The following SLC9A8 variants were observed in gnomAD, a reference collection of about 807,000 sequenced individuals.
The protein encoded by SLC9A8 is solute carrier family 9 member A8.
SLC9A8 carries 48 observed loss-of-function variants against 66.6 expected under a neutral mutation model. That is an observed-to-expected ratio of 0.72 (90% confidence interval 0.57 to 0.92). The LOEUF is 0.92. Ranked by LOEUF, SLC9A8 falls within the 40% of genes least tolerant of loss-of-function variation. SLC9A8 has a pLI of 0.00. For synonymous variants in SLC9A8, 274 were observed against 282.6 expected (o/e 0.97, Z 0.31); for missense variants, 599 against 747.3 (o/e 0.80, Z 2.31).
chr20:49,876,470 A>G (rs2089432393), intron 11 of SLC9A8, among the ~76,000 whole-genome samples: 1 of 152,204 alleles, frequency 6.6e-6, no homozygotes, highest in Non-Finnish European at 1.5e-5. Flanking sequence ...TCTTTGGCCC[A>G]ACAGTCCAAC....
chr20:49,866,378 A>G (rs2088967257), intron 10 of SLC9A8, among the ~76,000 whole-genome samples: 1 of 152,240 alleles, frequency 6.6e-6, no homozygotes, highest in Non-Finnish European at 1.5e-5. Flanking sequence ...TTGGGTAAAT[A>G]CCTAGGATTA....
At chr20:49,835,387 A>G (rs1206981301) in intron 3 of SLC9A8, among the ~76,000 whole-genome samples, 1 of 152,136 alleles carries the variant, frequency 6.6e-6, no homozygotes, top group African/African-American at 2.4e-5. Context: ...TCACCATCTT[A>G]AAGTGCACAA....
chr20:49,881,883 G>T (rs899306015), intron 13 of SLC9A8, among the ~76,000 whole-genome samples: 1 of 152,144 alleles, frequency 6.6e-6, no homozygotes, highest in Non-Finnish European at 1.5e-5. Flanking sequence ...GTGTGTCAGA[G>T]GTTTTTGAAG....
Position 49,887,898 on chromosome 20 carries a change from C to T in SLC9A8, c.1708C>T (p.Pro570Ser). The part of the protein sequence containing the change: ...NKWYEEVRQG[P>S]SGSEDDEQEL... ...GTGGTACGAGGAGGTACGCCAGGGC[C>T]CCTCCGGCTCCGAGGACGACGAGCA... Residue 570 changes from proline to serine, a missense_variant, in exon 16 of 16, where the codon CCC (proline) becomes TCC (serine). Around this residue, in one of 2 missense-constraint regions of SLC9A8, gnomAD observed 467 missense variants for 626.5 expected, o/e 0.75. Transcript: ENST00000361573. 1 of 1,613,840 alleles carries T rather than the reference C, an allele frequency of 6.2e-7. No individual in the cohort carries two copies. The highest frequency in any genetic ancestry group is 2.2e-5 in the East Asian group (1 of 44,878).
chr20:49,875,491 C>G (rs967792490), intron 11 of SLC9A8, among the ~76,000 whole-genome samples: 1 of 152,120 alleles, frequency 6.6e-6, no homozygotes, highest in Non-Finnish European at 1.5e-5. Context: ...GGACATCACT[C>G]GGGGACAGTT....
chr20:49,812,977 G>C, intron 1 of SLC9A8, 29 bp downstream of exon 1: 1 of 1,389,072 alleles, frequency 7.2e-7, no homozygotes, highest in Non-Finnish European at 9.3e-7. Context: ...GGGCGGCGGA[G>C]GCGGCGGGGC....
At chr20:49,819,216 G>A (rs1034716482) in intron 2 of SLC9A8, among the ~76,000 whole-genome samples, 2 of 152,136 alleles carry the variant, frequency 1.3e-5, no homozygotes, top group East Asian at 3.8e-4. Flanking sequence ...GAAACTTAAT[G>A]GAGTTATTAT....
In SLC9A8 at chr20:49,882,464, G is replaced by A. The variant is rs548444564; in HGVS notation, c.1271-1382G>A. ...CGTCTCCTTGGGCTCGTCCCCCTTC[G>A]CTGACCCCTCAAATAGTGGCTTCTT... On this transcript the variant is annotated intron_variant, in intron 13 of 15. Transcript: ENST00000361573. Among the ~76,000 whole-genome samples, 66 of 152,210 alleles carry A rather than the reference G, an allele frequency of 4.3e-4. 2 individuals are homozygous for A. Among genetic ancestry groups the A allele is most frequent in the African/African-American group, 1.5e-3 (63 of 41,508 alleles).
intron 3 of SLC9A8, among the ~76,000 whole-genome samples, chr20:49,835,475 A>G (rs1235493927): frequency 2.6e-5 from 4 of 152,082 alleles, no homozygotes; most frequent in African/African-American, 4.8e-5. Context: ...CATTACCCCA[A>G]AAAGAAACTC....
Position 49,889,629 on chromosome 20 carries a change from G to A in SLC9A8, c.*1693G>A, listed in dbSNP as rs1373343944. On this transcript the variant is annotated 3_prime_UTR_variant, in exon 16 of 16. Transcript: ENST00000361573. ...GAAAAGTAAATGTGTACTTGATAGA[G>A]CTAAAATATGATCTTTTTTAATTTC... is the stretch of plus-strand genomic sequence containing the variant. 1 of 152,220 alleles carries A rather than the reference G, an allele frequency of 6.6e-6. No homozygotes were observed. The highest frequency in any genetic ancestry group is 1.9e-4 in the East Asian group (1 of 5,202). 9.4% of individuals were successfully genotyped at this position (152,220 alleles called of 1,614,324 possible).
chr20:49,813,589 A>C (rs1441571205), intron 1 of SLC9A8, among the ~76,000 whole-genome samples: 1 of 152,308 alleles, frequency 6.6e-6, no homozygotes, highest in South Asian at 2.1e-4. Context: ...TTTATATCCT[A>C]CTGCTCAAGG....
chr20:49,834,183 CTCTATATATATA>C lies in SLC9A8; in HGVS notation c.290-5356_290-5345del, dbSNP rs1331486726. 5.1e-3 allele frequency among the ~76,000 whole-genome samples: 188 copies of C among 36,982 alleles called. 1 individual carries two copies. Among genetic ancestry groups the C allele is most frequent in the Middle Eastern group, 0.015 (1 of 66 alleles). The allele number at this position is 36,982 out of a possible 152,430, so 24.3% of individuals were successfully genotyped here. A position where few individuals can be genotyped will look rare whatever the true frequency, so the allele number is the denominator to read the frequency against. The stretch of plus-strand genomic sequence containing the variant: ...TCTCTCTCTCTCTCTCTCTCTCTCT[CTCTATATATATA>C]TATATATATATATATATATACACAC... On this transcript the variant is annotated intron_variant, in intron 3 of 15. Coordinates refer to ENST00000361573, the MANE Select transcript of SLC9A8 (RefSeq NM_015266.3).
chr20:49,837,678 T>A (rs1181437131), intron 3 of SLC9A8, among the ~76,000 whole-genome samples: 1 of 152,170 alleles, frequency 6.6e-6, no homozygotes, highest in Non-Finnish European at 1.5e-5. Context: ...CAAGTGATTC[T>A]CCTGCCTCAG....
intron 8 of SLC9A8, among the ~76,000 whole-genome samples, chr20:49,856,480 C>T (rs1454377463): frequency 6.6e-6 from 1 of 152,050 alleles, no homozygotes; most frequent in Non-Finnish European, 1.5e-5. Flanking sequence ...GTATTACTAC[C>T]CTAATTGATG....
intron 11 of SLC9A8, among the ~76,000 whole-genome samples, chr20:49,876,649 G>A (rs1030779960): frequency 2.0e-5 from 3 of 152,124 alleles, no homozygotes; most frequent in African/African-American, 4.8e-5. Context: ...ACATTATCCC[G>A]CCAAGGGAAG....
Position 49,890,552 on chromosome 20 carries a change from T to C in SLC9A8, c.*2616T>C, listed in dbSNP as rs1345042864. 1 of 152,204 alleles carries C rather than the reference T, an allele frequency of 6.6e-6. No individual in the cohort carries two copies. The highest frequency in any genetic ancestry group is 1.5e-5 in the Non-Finnish European group (1 of 68,046). 9.4% of individuals were successfully genotyped at this position (152,204 alleles called of 1,614,324 possible). ...CCAGCAGCCCCTCCACCACAGGCAC[T>C]GCTGTGTGGAACGAGTTCTTGGAAT... On this transcript the variant is annotated 3_prime_UTR_variant, in exon 16 of 16. Transcript: ENST00000361573.
chr20:49,839,677 C>A, intron 4 of SLC9A8, 78 bp downstream of exon 4: 2 of 872,862 alleles, frequency 2.3e-6, no homozygotes, highest in Non-Finnish European at 3.7e-6. Context: ...ACTTGGCTAT[C>A]AGTGGAGTTA....
intron 6 of SLC9A8, 45 bp downstream of exon 6, chr20:49,849,725 A>C (rs375383847): frequency 5.1e-5 from 74 of 1,463,914 alleles, no homozygotes; most frequent in Non-Finnish European, 6.1e-5. Context: ...TTACATTCTT[A>C]GAGCTAGTGC....
intron 13 of SLC9A8, 44 bp downstream of exon 13, chr20:49,881,079 A>G: frequency 7.3e-7 from 1 of 1,360,998 alleles, no homozygotes; most frequent in Non-Finnish European, 1.1e-6. Context: ...GTACCTGTTA[A>G]AAGCACGCCC....
Sources: gnomAD v4.1 joint callset for allele counts (sites outside exome capture counted in the v4.1 genomes callset) on GRCh38, gnomAD v4.1.1 for gene constraint, gnomAD v4.1.1 regional missense constraint, MANE v1.5 for transcripts, NCBI Gene and HGNC (gene_info 2026-07-23, HGNC 2026-07-21) for gene names.